RNF213: variants seen among roughly 807,000 people sequenced by gnomAD.
RNF213 encodes the protein E3 ubiquitin-protein ligase RNF213.
In RNF213, 341 loss-of-function variants were observed where a neutral mutation model predicts 514.4. That is an observed-to-expected ratio of 0.66 (90% CI 0.61 to 0.73). RNF213 has a LOEUF of 0.73. Ranked by LOEUF, RNF213 falls within the 30% of genes least tolerant of loss-of-function variation. RNF213 has a pLI of 0.00. For missense variants in RNF213, 5,767 were observed against 6,615.6 expected (o/e 0.87, Z 4.45); for synonymous variants, 2,655 against 2,658.2 (o/e 1.00, Z 0.04).
intron 41 of RNF213, 137 bp downstream of exon 41, chr17:80,363,927 C>T (rs575965108): frequency 5.5e-5 from 47 of 861,042 alleles, no homozygotes; most frequent in Admixed American, 1.8e-4. Context: ...CCGTTCACTC[C>T]GCATTTGCCG....
intron 29 of RNF213, among the ~76,000 whole-genome samples, chr17:80,349,179 C>A (rs746831806): frequency 6.6e-6 from 1 of 152,176 alleles, no homozygotes; most frequent in Non-Finnish European, 1.5e-5. Flanking sequence ...ATGACAGATA[C>A]CGCAGGAACG....
intron 17 of RNF213, among the ~76,000 whole-genome samples, chr17:80,323,025 A>G (rs929455913): frequency 6.6e-6 from 1 of 152,186 alleles, no homozygotes; most frequent in African/African-American, 2.4e-5. Flanking sequence ...TCTTACATGT[A>G]GGCCTTTGAT....
chr17:80,287,714 A>G (rs921915638), intron 3 of RNF213, 101 bp from the exon 4 acceptor site: 1 of 1,248,486 alleles, frequency 8.0e-7, no homozygotes, highest in African/African-American at 1.5e-5. Flanking sequence ...GGTCGAGCCA[A>G]GCTTGATGTA....
Position 80,369,679 on chromosome 17 carries a change from G to A in RNF213, c.12325+8G>A, listed in dbSNP as rs147448930. The A allele has an allele frequency of 1.2e-6, 2 of 1,614,174 alleles. No homozygotes were observed. Among genetic ancestry groups the A allele is most frequent in the African/African-American group, 1.3e-5 (1 of 75,064 alleles). On this transcript the variant is annotated splice_region_variant and intron_variant, in intron 45 of 67. Transcript: ENST00000582970. ...TAAGAGATGCTGCCCAGAGTAGGTTGCTTTCTTCCTGTAAACCTAGCCCCT... is the reference window on the plus strand; with the variant it reads ...TAAGAGATGCTGCCCAGAGTAGGTTACTTTCTTCCTGTAAACCTAGCCCCT...
At chr17:80,283,532 G>A (rs969409335) in intron 3 of RNF213, among the ~76,000 whole-genome samples, 2 of 152,208 alleles carry the variant, frequency 1.3e-5, no homozygotes, top group Admixed American at 1.3e-4. Flanking sequence ...CCTGGCTCCT[G>A]CCTCCAGCCT....
chr17:80,353,754 G>A lies in RNF213; in HGVS notation c.10578+88G>A. ...AAACGCTTTTGCATTGGGAGCTAGAGGAGTCGCCGCCGCTGTGCAGGGGTG... is the reference window on the plus strand; with the variant it reads ...AAACGCTTTTGCATTGGGAGCTAGAAGAGTCGCCGCCGCTGTGCAGGGGTG... On this transcript the variant is annotated intron_variant, in intron 34 of 67. Transcript: ENST00000582970. This position sits in a 1 kb window ranked among gnomAD's most constrained non-coding sequence, Gnocchi z 5.0. 1 of 1,563,988 alleles carries A rather than the reference G, an allele frequency of 6.4e-7. No homozygotes were observed. The highest frequency in any genetic ancestry group is 8.8e-7 in the Non-Finnish European group (1 of 1,135,680).
chr17:80,335,071 G>A (rs920903428), intron 22 of RNF213, among the ~76,000 whole-genome samples: 19 of 151,964 alleles, frequency 1.3e-4, no homozygotes, highest in South Asian at 4.2e-4. Context: ...ACAGGCGCCC[G>A]CCACCACACC....
intron 37 of RNF213, among the ~76,000 whole-genome samples, chr17:80,358,707 A>C (rs1441349910): frequency 1.3e-5 from 2 of 152,164 alleles, no homozygotes; most frequent in Non-Finnish European, 2.9e-5. Flanking sequence ...TCAAGAGATC[A>C]AGACCGTCCT....
chr17:80,325,946 T>C (rs993950849), intron 18 of RNF213, among the ~76,000 whole-genome samples: 2 of 148,434 alleles, frequency 1.3e-5, no homozygotes, highest in Non-Finnish European at 2.9e-5. Context: ...TGTATTTATT[T>C]ATTTATTTAT....
intron 61 of RNF213, 71 bp from the exon 62 acceptor site, chr17:80,386,179 T>G (rs1230743081): frequency 1.4e-6 from 2 of 1,480,204 alleles, no homozygotes; most frequent in Non-Finnish European, 1.9e-6. Flanking sequence ...TCTGCATCCC[T>G]CCTCCCCACG....
In RNF213 at chr17:80,385,624, T is replaced by C. The variant is rs1159817859; in HGVS notation, c.14539+3T>C. 1 of 1,613,176 alleles carries C rather than the reference T, an allele frequency of 6.2e-7. No homozygotes were observed. Among genetic ancestry groups the C allele is most frequent in the Non-Finnish European group, 8.5e-7 (1 of 1,179,270 alleles). ...GAGGAGATCGCTTGAGACGAACGGT[T>C]AGTATCCTGTCCCCTGTACCACTAA... On this transcript the variant is annotated splice_donor_region_variant and intron_variant, in intron 61 of 67. Transcript: ENST00000582970.
At chr17:80,269,780 A>G (rs888334919) in intron 2 of RNF213, among the ~76,000 whole-genome samples, 5 of 152,184 alleles carry the variant, frequency 3.3e-5, no homozygotes, top group Non-Finnish European at 5.9e-5. Context: ...CCATCCATGT[A>G]TCTACCTATC....
intron 18 of RNF213, 148 bp from the exon 19 acceptor site, chr17:80,327,668 A>G (rs1017953026): frequency 2.5e-5 from 16 of 648,148 alleles, no homozygotes; most frequent in African/African-American, 2.4e-4. Flanking sequence ...GAGTGGAATG[A>G]TTGGCGCATC....
At chr17:80,270,743 C>T (rs2043794394) in intron 2 of RNF213, among the ~76,000 whole-genome samples, 1 of 152,188 alleles carries the variant, frequency 6.6e-6, no homozygotes, top group African/African-American at 2.4e-5. Context: ...CTGGGAACAG[C>T]CTGAAACCCA....
In RNF213 at chr17:80,276,914, G is replaced by T. The variant is rs555984474; in HGVS notation, c.261+3510G>T. ...AAAAATACAAAAAAAAAAATTAGCT[G>T]GGCGTGGTGGCGTATGCCTGTAATC... On this transcript the variant is annotated intron_variant, in intron 3 of 67. Transcript: ENST00000582970. Among the ~76,000 whole-genome samples the T allele has an allele frequency of 1.1e-4, 17 of 151,832 alleles. No homozygotes were observed. The South Asian group carries it at 2.7e-3, about 24-fold the overall frequency.
rs373414909 is a variant in RNF213, at chr17:80,350,594, A to G, written c.10184+198A>G. 1.1e-4 allele frequency among the ~76,000 whole-genome samples: 17 copies of G among 152,350 alleles called. No individual in the cohort carries two copies. The East Asian group carries it at 3.1e-3, about 28-fold the overall frequency. On this transcript the variant is annotated intron_variant, in intron 31 of 67. Coordinates refer to ENST00000582970, the MANE Select transcript of RNF213 (RefSeq NM_001256071.3). ...AAAAAGAAAAGGCCAATAACATTACAAAAATAGTGGAATGGGCCTGGGCAA... is the reference window on the plus strand; with the variant it reads ...AAAAAGAAAAGGCCAATAACATTACGAAAATAGTGGAATGGGCCTGGGCAA...
chr17:80,335,593 T>C (rs1405796537), intron 22 of RNF213, among the ~76,000 whole-genome samples: 1 of 152,146 alleles, frequency 6.6e-6, no homozygotes, highest in East Asian at 1.9e-4. Flanking sequence ...GTTGTGTGGA[T>C]TGAAGGAAAG....
rs375400927 is a variant in RNF213 at position 80,377,716 on chromosome 17, T to C, written c.13511-46T>C. 121 of 1,610,682 alleles carry C rather than the reference T, an allele frequency of 7.5e-5. No individual in the cohort carries two copies. The highest frequency in any genetic ancestry group is 5.6e-4 in the East Asian group (25 of 44,888). ...AGCTTTCCCTTTTCAATGTGGGTCA[T>C]TGGGTGAAACCTCATTAGCCAATGT... On this transcript the variant is annotated intron_variant, in intron 53 of 67. Coordinates refer to ENST00000582970, the MANE Select transcript of RNF213 (RefSeq NM_001256071.3). The surrounding 1 kb of genome is among the most constrained non-coding windows in gnomAD (Gnocchi z 4.1).
intron 63 of RNF213, among the ~76,000 whole-genome samples, chr17:80,387,282 T>C (rs990829695): frequency 6.6e-6 from 1 of 151,062 alleles, no homozygotes; most frequent in African/African-American, 2.5e-5. Flanking sequence ...ATTTGTGTAT[T>C]TTTTGGTAGA....
Sources: gnomAD v4.1 joint callset for allele counts (sites outside exome capture counted in the v4.1 genomes callset) on GRCh38, gnomAD v4.1.1 for gene constraint, Gnocchi (gnomAD v3.1) non-coding constraint, MANE v1.5 for transcripts, NCBI Gene and HGNC (gene_info 2026-07-23, HGNC 2026-07-21) for gene names.